The following RAP1B variants were observed in gnomAD, a reference collection of about 807,000 sequenced individuals.
The protein encoded by RAP1B is RAP1B, member of RAS oncogene family.
A neutral mutation model predicts 27.5 loss-of-function variants in RAP1B; 1 was observed. The observed-to-expected ratio is 0.04, with a 90% CI of 0.01 to 0.17. RAP1B has a LOEUF of 0.17. Among genes scored for constraint, RAP1B ranks in the 10% least tolerant of loss-of-function variants. The probability of loss-of-function intolerance (pLI) is 1.00; values close to 1 mark genes in which losing one functional copy is unlikely to be tolerated. For missense variants in RAP1B, 84 were observed against 214.8 expected (o/e 0.39, Z 3.81); for synonymous variants, 75 against 73.1 (o/e 1.03, Z -0.13).
At chr12:68,622,599 T>C (rs1871461018) in intron 1 of RAP1B, among the ~76,000 whole-genome samples, 1 of 152,208 alleles carries the variant, frequency 6.6e-6, no homozygotes, top group Admixed American at 6.5e-5. Context: ...TTTTTCCTGA[T>C]CACCTTATAT....
rs781319101 is a variant in RAP1B at position 68,657,197 on chromosome 12, T to C, written c.*10T>C. ...ATGTCAGCTGCTTTAATATACTAAA[T>C]GCATTGTAGCTCTGAGCCAGGTATG... On this transcript the variant is annotated 3_prime_UTR_variant, in exon 7 of 8. Coordinates refer to ENST00000250559, the MANE Select transcript of RAP1B (RefSeq NM_001010942.3). 6.3e-7 allele frequency: 1 copy of C among 1,596,430 alleles called. No individual in the cohort carries two copies. Among genetic ancestry groups the C allele is most frequent in the South Asian group, 1.1e-5 (1 of 90,532 alleles).
intron 1 of RAP1B, among the ~76,000 whole-genome samples, chr12:68,638,425 G>T (rs1232222614): frequency 6.6e-6 from 1 of 152,084 alleles, no homozygotes; most frequent in African/African-American, 2.4e-5. Flanking sequence ...ATCTTGTCCT[G>T]GTTGAGTGCC....
intron 1 of RAP1B, among the ~76,000 whole-genome samples, chr12:68,628,044 G>C (rs1871940000): frequency 6.6e-6 from 1 of 152,136 alleles, no homozygotes; most frequent in Admixed American, 6.6e-5. Context: ...AGTTGAGGCT[G>C]TAGTGAGCTA....
chr12:68,657,200 A>T lies in RAP1B; in HGVS notation c.*13A>T. 6.3e-7 allele frequency: 1 copy of T among 1,591,300 alleles called. No homozygotes were observed. Among genetic ancestry groups the T allele is most frequent in the Non-Finnish European group, 8.6e-7 (1 of 1,159,854 alleles). The stretch of plus-strand genomic sequence containing the variant: ...TCAGCTGCTTTAATATACTAAATGC[A>T]TTGTAGCTCTGAGCCAGGTATGTTC... On this transcript the variant is annotated 3_prime_UTR_variant, in exon 7 of 8. Coordinates refer to ENST00000250559, the MANE Select transcript of RAP1B (RefSeq NM_001010942.3).
At chr12:68,645,321 G>A (rs1289856661) in intron 1 of RAP1B, among the ~76,000 whole-genome samples, 1 of 152,212 alleles carries the variant, frequency 6.6e-6, no homozygotes, top group Non-Finnish European at 1.5e-5. Flanking sequence ...GGTACCATTA[G>A]CCACTATGCT....
chr12:68,657,725 A>AAAAC (rs1409461140), intron 7 of RAP1B: 7 of 126,158 alleles, frequency 5.5e-5, no homozygotes, highest in Non-Finnish European at 8.1e-5. Context: ...CCTAATTTAA[A>AAAAC]ACACACACAC....
At chr12:68,646,913 C>T (rs1363228396) in intron 1 of RAP1B, among the ~76,000 whole-genome samples, 4 of 152,096 alleles carry the variant, frequency 2.6e-5, no homozygotes, top group African/African-American at 9.7e-5. Context: ...TAGATTTTTT[C>T]GGATTACCAA....
Position 68,659,769 on chromosome 12 carries a change from G to C in RAP1B, c.*520G>C, listed in dbSNP as rs932491777. ...TATTATTGTACAAAATAAGCGCTTT[G>C]ATTAACACAGCTATATAGTTTTTTT... On this transcript the variant is annotated 3_prime_UTR_variant, in exon 8 of 8. Transcript: ENST00000250559. 1 of 152,364 alleles carries C rather than the reference G, an allele frequency of 6.6e-6. No homozygotes were observed. Among genetic ancestry groups the C allele is most frequent in the Non-Finnish European group, 1.5e-5 (1 of 68,032 alleles). The allele number at this position is 152,364 out of a possible 1,614,324, so 9.4% of individuals were successfully genotyped here.
rs1054106496 is a variant in RAP1B, at chr12:68,667,814, A to T, written c.*8565A>T. On this transcript the variant is annotated 3_prime_UTR_variant, in exon 8 of 8. Transcript: ENST00000250559. ...ACAGGATTTCAACGGGAGATTTATA[A>T]GTCTATTTTGTTAGAATAAAAAGCA... 1 of 152,196 alleles carries T rather than the reference A, an allele frequency of 6.6e-6. No individual in the cohort carries two copies. Among genetic ancestry groups the T allele is most frequent in the African/African-American group, 2.4e-5 (1 of 41,452 alleles). 9.4% of individuals were successfully genotyped at this position (152,196 alleles called of 1,614,324 possible). A position where few individuals can be genotyped will look rare whatever the true frequency, so the allele number is the denominator to read the frequency against.
intron 1 of RAP1B, among the ~76,000 whole-genome samples, chr12:68,625,467 A>G (rs780905426): frequency 1.3e-5 from 2 of 152,188 alleles, no homozygotes; most frequent in Non-Finnish European, 1.5e-5. Context: ...TGCTCCCACT[A>G]TGTTTTGTTA....
rs1460095519 is a variant in RAP1B at position 68,664,198 on chromosome 12, CTT to C, written c.*4950_*4951del. The C allele has an allele frequency of 6.6e-6, 1 of 152,146 alleles. No homozygotes were observed. Among genetic ancestry groups the C allele is most frequent in the Non-Finnish European group, 1.5e-5 (1 of 68,030 alleles). 9.4% of individuals were successfully genotyped at this position (152,146 alleles called of 1,614,324 possible). A position where few individuals can be genotyped will look rare whatever the true frequency, so the allele number is the denominator to read the frequency against. ...GGATTTTTATGTAATAATATATTCA[CTT>C]CAGTCAGGTTTCAGTTTTTAAATAG... On this transcript the variant is annotated 3_prime_UTR_variant, in exon 8 of 8. Coordinates refer to ENST00000250559, the MANE Select transcript of RAP1B (RefSeq NM_001010942.3).
At chr12:68,626,925 A>ACC (rs1346807191) in intron 1 of RAP1B, 1 of 1,553,344 alleles carries the variant, frequency 6.4e-7, no homozygotes, top group Non-Finnish European at 8.8e-7. Context: ...AATGTACTTG[A>ACC]CCCGACAGCC....
chr12:68,632,267 G>A (rs1872323984), intron 1 of RAP1B, among the ~76,000 whole-genome samples: 2 of 151,184 alleles, frequency 1.3e-5, no homozygotes, highest in African/African-American at 4.9e-5. Context: ...CTGAGTAGCT[G>A]GGACTACAGG....
At chr12:68,658,880 G>A (rs770434646) in intron 7 of RAP1B, among the ~76,000 whole-genome samples, 2 of 152,126 alleles carry the variant, frequency 1.3e-5, no homozygotes, top group South Asian at 2.1e-4. Flanking sequence ...AGTACATTAC[G>A]ATTGTGTAAA....
chr12:68,656,513 A>G (rs763462963), intron 6 of RAP1B, 64 bp downstream of exon 6: 1 of 1,507,820 alleles, frequency 6.6e-7, no homozygotes, highest in Non-Finnish European at 9.2e-7. Flanking sequence ...TGAATGGAAA[A>G]TGTCTTAACC....
Position 68,667,634 on chromosome 12 carries a change from G to T in RAP1B, c.*8385G>T, listed in dbSNP as rs1487123102. ...TGGTATAAGGAAATTGTAACCATTT[G>T]TGTGCTTTACATGTTTAAGATACAA... On this transcript the variant is annotated 3_prime_UTR_variant, in exon 8 of 8. Coordinates refer to ENST00000250559, the MANE Select transcript of RAP1B (RefSeq NM_001010942.3). The T allele has an allele frequency of 6.6e-6, 1 of 152,158 alleles. No homozygotes were observed. Among genetic ancestry groups the T allele is most frequent in the Non-Finnish European group, 1.5e-5 (1 of 68,024 alleles). The allele number at this position is 152,158 out of a possible 1,614,324, so 9.4% of individuals were successfully genotyped here.
Position 68,659,357 on chromosome 12 carries a change from T to G in RAP1B, c.*108T>G. Reference sequence around the variant, plus strand: ...ACCTACCAACATCTTAAATGGACTTTCCTGTGGTGGTACCCTTTAAGAGGC... The same window carrying G: ...ACCTACCAACATCTTAAATGGACTTGCCTGTGGTGGTACCCTTTAAGAGGC... On this transcript the variant is annotated 3_prime_UTR_variant, in exon 8 of 8. Coordinates refer to ENST00000250559, the MANE Select transcript of RAP1B (RefSeq NM_001010942.3). 1 of 452,150 alleles carries G rather than the reference T, an allele frequency of 2.2e-6. No individual in the cohort carries two copies. The highest frequency in any genetic ancestry group is 2.4e-5 in the Admixed American group (1 of 41,774). The allele number at this position is 452,150 out of a possible 1,614,324, so 28.0% of individuals were successfully genotyped here. A position where few individuals can be genotyped will look rare whatever the true frequency, so the allele number is the denominator to read the frequency against.
intron 1 of RAP1B, among the ~76,000 whole-genome samples, chr12:68,644,729 C>T (rs551242293): frequency 7.7e-6 from 1 of 130,484 alleles, no homozygotes; most frequent in African/African-American, 2.9e-5. Context: ...TGCTGTGTCG[C>T]CCAGGCTGGA....
chr12:68,627,331 G>GC (rs199774560), intron 1 of RAP1B: 8,135 of 751,770 alleles, frequency 0.011, 100 homozygotes, highest in South Asian at 0.025. Context: ...TGCACACTGG[G>GC]CCCCCCCATG....
Sources: gnomAD v4.1 joint callset for allele counts (sites outside exome capture counted in the v4.1 genomes callset) on GRCh38, gnomAD v4.1.1 for gene constraint, MANE v1.5 for transcripts, NCBI Gene and HGNC (gene_info 2026-07-23, HGNC 2026-07-21) for gene names.